DENND2C: variants seen among roughly 807,000 people sequenced by gnomAD.
The protein encoded by DENND2C is DENN domain containing 2C.
DENND2C carries 72 observed loss-of-function variants against 112.4 expected under a neutral mutation model. The ratio of observed to expected loss-of-function variants is 0.64; its 90% CI spans 0.53 to 0.78. The LOEUF (loss-of-function observed/expected upper bound fraction) is 0.78, where lower values mean the gene tolerates loss of function less well. DENND2C is among the 30% of genes least tolerant of loss of function. The pLI, the probability that DENND2C is intolerant of heterozygous loss-of-function variation, is 0.00. For synonymous variants in DENND2C, 329 were observed against 381.6 expected (o/e 0.86, Z 1.61); for missense variants, 992 against 1,113.8 (o/e 0.89, Z 1.56).
chr1:114,664,432 G>A (rs1406002772), intron 1 of DENND2C, among the ~76,000 whole-genome samples: 1 of 152,030 alleles, frequency 6.6e-6, no homozygotes, highest in Non-Finnish European at 1.5e-5. Flanking sequence ...GGGCAACACA[G>A]TGAAACCCCA....
rs146240345 is a variant in DENND2C, at chr1:114,660,887, C to G, written c.-573-6126G>C. The stretch of plus-strand genomic sequence containing the variant: ...CTGCACTTTGGGAGGCCGAGGCAGG[C>G]AGATCACAAGGTCAGGAGTTTGAGA... On this transcript the variant is annotated intron_variant, in intron 1 of 20. Transcript: ENST00000393274. Among the ~76,000 whole-genome samples the G allele has an allele frequency of 8.9e-3, 1,349 of 152,014 alleles. 12 individuals are homozygous for G. The highest frequency in any genetic ancestry group is 0.017 in the Middle Eastern group (5 of 294).
At chr1:114,650,568 G>A (rs1448320954) in intron 2 of DENND2C, among the ~76,000 whole-genome samples, 1 of 151,032 alleles carries the variant, frequency 6.6e-6, no homozygotes, top group African/African-American at 2.4e-5. Flanking sequence ...CAGCTACTCA[G>A]GAGGCTGAGG....
intron 11 of DENND2C, 49 bp from the exon 12 acceptor site, chr1:114,602,243 G>T (rs764936765): frequency 1.9e-6 from 3 of 1,583,702 alleles, no homozygotes; most frequent in Non-Finnish European, 2.6e-6. Flanking sequence ...ATTACTTATG[G>T]CATTCTCCAT....
rs751158130 is a variant in DENND2C, at chr1:114,595,825, C to T, written c.2325+7G>A. On this transcript the variant is annotated splice_region_variant and intron_variant, in intron 17 of 20. Coordinates refer to ENST00000393274, the MANE Select transcript of DENND2C (RefSeq NM_001256404.2). ...AAACATAAGTAATTACCTCCTTTGG[C>T]ACTCACCTCCTGTAAGAACTTGTCT... 1.2e-6 allele frequency: 2 copies of T among 1,612,504 alleles called. No homozygotes were observed. The highest frequency in any genetic ancestry group is 1.7e-6 in the Non-Finnish European group (2 of 1,178,636).
chr1:114,589,477 C>A (rs550599650), intron 18 of DENND2C, among the ~76,000 whole-genome samples: 2 of 152,258 alleles, frequency 1.3e-5, no homozygotes, highest in East Asian at 3.9e-4. Flanking sequence ...TCCTTCTCAT[C>A]TCTTTCCTTC....
At chr1:114,622,889 T>C in intron 6 of DENND2C, 98 bp downstream of exon 6, 1 of 771,936 alleles carries the variant, frequency 1.3e-6, no homozygotes, top group Non-Finnish European at 1.9e-6. Flanking sequence ...TACATTTCAG[T>C]GCCTCTTAGT....
chr1:114,590,778 C>CAA (rs33970610), intron 18 of DENND2C, among the ~76,000 whole-genome samples: 21,266 of 112,576 alleles, frequency 0.19, 3,036 homozygotes, highest in Non-Finnish European at 0.27. Context: ...GACTCCGTCT[C>CAA]AAAAAAAAAA....
intron 3 of DENND2C, among the ~76,000 whole-genome samples, chr1:114,639,261 A>T (rs1441335186): frequency 6.6e-6 from 1 of 151,542 alleles, no homozygotes; most frequent in East Asian, 1.9e-4. Context: ...AGTTTCTTAC[A>T]AAATTTAACA....
chr1:114,633,213 G>C, intron 3 of DENND2C, among the ~76,000 whole-genome samples: 1 of 152,042 alleles, frequency 6.6e-6, no homozygotes, highest in East Asian at 1.9e-4. Context: ...TTGGGAGGCA[G>C]AGGCAGGTGG....
intron 3 of DENND2C, among the ~76,000 whole-genome samples, chr1:114,627,291 A>G (rs1434138296): frequency 2.0e-5 from 3 of 152,234 alleles, no homozygotes; most frequent in Non-Finnish European, 4.4e-5. Context: ...CTCAAGTTCT[A>G]CTGTATACTT....
At chr1:114,638,595 C>T (rs1656719051) in intron 3 of DENND2C, among the ~76,000 whole-genome samples, 1 of 151,470 alleles carries the variant, frequency 6.6e-6, no homozygotes, top group Non-Finnish European at 1.5e-5. Context: ...TCCGTCTCTA[C>T]AAAAAATTTT....
rs61481107 is a variant in DENND2C, at chr1:114,625,318, A to G, written c.667T>C (p.Ser223Pro). ...CTTTCTTTATACGGCGTAACACCAGATTCGGATAAATATCTGAATGTCCTA... is the reference window on the plus strand; with the variant it reads ...CTTTCTTTATACGGCGTAACACCAGGTTCGGATAAATATCTGAATGTCCTA... ...PRRTFRYLSESGVTPYKERNC... is the reference protein window; with the variant it reads ...PRRTFRYLSEPGVTPYKERNC... Residue 223 changes from serine to proline, a missense_variant, in exon 4 of 21, where the codon TCT becomes CCT. By Grantham distance (74) the Ser-to-Pro change is moderately conservative (BLOSUM62 -1). Transcript: ENST00000393274. 8,370 of 1,614,142 alleles carry G rather than the reference A, an allele frequency of 5.2e-3. 91 individuals are homozygous for G. Among genetic ancestry groups the G allele is most frequent in the South Asian group, 0.032 (2,908 of 91,082 alleles).
At chr1:114,612,381 T>C (rs1655844827) in intron 8 of DENND2C, among the ~76,000 whole-genome samples, 1 of 149,970 alleles carries the variant, frequency 6.7e-6, no homozygotes, top group South Asian at 2.1e-4. Context: ...AGACAGGGTC[T>C]CACTCTGCTG....
intron 3 of DENND2C, among the ~76,000 whole-genome samples, chr1:114,626,863 A>G (rs1656358765): frequency 6.6e-6 from 1 of 152,076 alleles, no homozygotes; most frequent in South Asian, 2.1e-4. Flanking sequence ...GAGCATATAT[A>G]TACACAGAAT....
intron 10 of DENND2C, among the ~76,000 whole-genome samples, chr1:114,608,366 C>G (rs555277475): frequency 6.6e-6 from 1 of 152,240 alleles, no homozygotes; most frequent in South Asian, 2.1e-4. Context: ...TGCTCTAAAC[C>G]ACTACCCTAT....
rs1655490554 is a variant in DENND2C at position 114,601,026 on chromosome 1, G to A, written c.1816-66C>T. 9 of 1,507,194 alleles carry A rather than the reference G, an allele frequency of 6.0e-6. No individual in the cohort carries two copies. The South Asian group carries it at 1.2e-4, about 20-fold the overall frequency. 93.4% of individuals were successfully genotyped at this position (1,507,194 alleles called of 1,614,324 possible). ...AAAATATAAAAGAATGCCATTACAG[G>A]AACTGCCAAACCTGGTGTACAAACT... On this transcript the variant is annotated intron_variant, in intron 13 of 20. Coordinates refer to ENST00000393274, the MANE Select transcript of DENND2C (RefSeq NM_001256404.2).
Position 114,623,602 on chromosome 1 carries a change from CG to C in DENND2C, c.847del (p.Arg283GlyfsTer85). ...EFEDIQHFRN[R>X]NSQTIREELG... ...TTCTTCACGAATCGTCTGTGAGTTC[CG>C]ATTTCGAAAGTGCTGAATATCCTCA... On this transcript the variant is annotated frameshift_variant, in exon 5 of 21. Coordinates refer to ENST00000393274, the MANE Select transcript of DENND2C (RefSeq NM_001256404.2). LOFTEE classifies it high-confidence loss of function. The C allele has an allele frequency of 6.2e-7, 1 of 1,606,094 alleles. No individual in the cohort carries two copies.
chr1:114,625,867 T>C lies in DENND2C; in HGVS notation c.118A>G (p.Lys40Glu), dbSNP rs780264580. The change falls in exon 4 of 21, where the codon AAG (lysine) becomes GAG (glutamate). Residue 40 changes from lysine (K) to glutamate (E), a missense_variant. Physicochemically the swap from Lys to Glu is moderately conservative, Grantham distance 56. This residue lies in a region of DENND2C where 470 missense variants were observed against 472.7 expected (regional missense o/e 0.99). Coordinates refer to ENST00000393274, the MANE Select transcript of DENND2C (RefSeq NM_001256404.2). ...ACTCCAAAGTCCTTTGGACACCACT[T>C]TTCTGGATTAGATATACCATTAGCC... ...GRANGISNPE[K>E]WCPKDFGVRY... is the part of the protein sequence containing the mutation. The C allele has an allele frequency of 1.2e-6, 2 of 1,614,110 alleles. No individual in the cohort carries two copies. Among genetic ancestry groups the C allele is most frequent in the South Asian group, 2.2e-5 (2 of 91,074 alleles).
chr1:114,623,373 C>A, intron 5 of DENND2C, 134 bp downstream of exon 5: 1 of 837,314 alleles, frequency 1.2e-6, no homozygotes, highest in Non-Finnish European at 1.8e-6. Context: ...AATTTATACA[C>A]CAAACGTTTC....
Sources: allele counts gnomAD v4.1 joint callset (sites outside exome capture counted in the v4.1 genomes callset), GRCh38; gene constraint gnomAD v4.1.1; regional missense constraint gnomAD v4.1.1; transcripts MANE v1.5; gene names NCBI Gene and HGNC (gene_info 2026-07-23, HGNC 2026-07-21).